The following STAT5B variants were observed in gnomAD, a reference collection of about 807,000 sequenced individuals.
The protein encoded by STAT5B is signal transducer and activator of transcription 5B.
In STAT5B, 21 loss-of-function variants were observed where a neutral mutation model predicts 107.8. The observed-to-expected ratio is 0.19, with a 90% confidence interval of 0.14 to 0.28. The LOEUF is 0.28. STAT5B is among the 10% of genes least tolerant of loss of function. The pLI is 1.00. For synonymous variants in STAT5B, 325 were observed against 401.7 expected, an observed-to-expected ratio of 0.81 and a Z score of 2.28; for missense variants, 565 against 1,008.2, an observed-to-expected ratio of 0.56 and a Z score of 5.95.
the STAT5B span, among the ~76,000 whole-genome samples, chr17:42,283,663 G>A: frequency 6.6e-6 from 1 of 152,220 alleles, no homozygotes; most frequent in African/African-American, 2.4e-5. Context: ...AGGGGACAGC[G>A]GCAGGAACGG....
intron 1 of STAT5B, among the ~76,000 whole-genome samples, chr17:42,250,855 C>T (rs533271190): frequency 1.4e-5 from 2 of 147,846 alleles, no homozygotes; most frequent in Admixed American, 6.9e-5. Flanking sequence ...ACCTAGGAGG[C>T]GGAGGATGCA....
intron 1 of STAT5B, among the ~76,000 whole-genome samples, chr17:42,237,913 T>C (rs867240038): frequency 2.0e-5 from 3 of 152,184 alleles, no homozygotes; most frequent in Non-Finnish European, 4.4e-5. Context: ...AGTATCTAGC[T>C]AAGAGCAGGT....
the STAT5B span, chr17:42,287,430 G>A: frequency 1.3e-5 from 2 of 152,204 alleles, no homozygotes; most frequent in Non-Finnish European, 2.9e-5. Flanking sequence ...CCAGGCAGAG[G>A]GGAGGCCCAG....
chr17:42,262,934 GTA>G (rs1177579162), intron 1 of STAT5B, among the ~76,000 whole-genome samples: 422 of 36,782 alleles, frequency 0.011, 4 homozygotes, highest in Admixed American at 0.026. Flanking sequence ...ATATATATAT[GTA>G]TATATATGTG....
rs759326127 is a variant in STAT5B at position 42,223,566 on chromosome 17, T to G, written c.376-10A>C. On this transcript the variant is annotated splice_polypyrimidine_tract_variant and intron_variant, in intron 4 of 18. Transcript: ENST00000293328. ...CAGCTGGAGAGCTACCCTGGGAACA[T>G]ATGGGGGGCAGTGCAAGGCAGTGCG... 3 of 1,613,780 alleles carry G rather than the reference T, an allele frequency of 1.9e-6. No individual in the cohort carries two copies. The Admixed American group carries it at 5.0e-5, about 27-fold the overall frequency.
intron 4 of STAT5B, 145 bp from the exon 5 acceptor site, chr17:42,223,701 G>T: frequency 2.2e-6 from 2 of 905,074 alleles, no homozygotes; most frequent in East Asian, 2.6e-5. Flanking sequence ...ACGTCATCAT[G>T]AGACACAGGG....
At chr17:42,249,116 G>A (rs1030510786) in intron 1 of STAT5B, among the ~76,000 whole-genome samples, 1 of 152,268 alleles carries the variant, frequency 6.6e-6, no homozygotes, top group Non-Finnish European at 1.5e-5. Flanking sequence ...GGTAGGCTGG[G>A]TGAGGTGGCT....
chr17:42,200,229 T>C lies in STAT5B; in HGVS notation c.*1509A>G, dbSNP rs2080033081. On this transcript the variant is annotated 3_prime_UTR_variant, in exon 19 of 19. Transcript: ENST00000293328. ...AGAAGTTATTTTTGTAAAAAAAATA[T>C]GTTTATTTACTCTCATGTATAAAAA... 1 of 152,696 alleles carries C rather than the reference T, an allele frequency of 6.5e-6. No individual in the cohort carries two copies. Among genetic ancestry groups the C allele is most frequent in the African/African-American group, 2.4e-5 (1 of 41,430 alleles). 9.5% of individuals were successfully genotyped at this position (152,696 alleles called of 1,614,324 possible). A position where few individuals can be genotyped will look rare whatever the true frequency, so the allele number is the denominator to read the frequency against.
chr17:42,223,535 G>C lies in STAT5B; in HGVS notation c.397C>G (p.Leu133Val). ...TGTTTCTGGGACATGGCATCAGCAA[G>C]GCTTCCAGCTGGAGAGCTACCCTGG... ...ANNGSSPAGS[L>V]ADAMSQKHLQ... The change falls in exon 5 of 19, where the codon CTT (leucine) becomes GTT (valine). Residue 133 changes from leucine to valine, a missense_variant. Physicochemically the swap from Leu to Val is conservative, Grantham distance 32. Around this residue, in one of 11 missense-constraint regions of STAT5B, gnomAD observed 54 missense variants for 49.7 expected, o/e 1.09. Coordinates refer to ENST00000293328, the MANE Select transcript of STAT5B (RefSeq NM_012448.4). The C allele has an allele frequency of 6.2e-7, 1 of 1,614,170 alleles. No individual in the cohort carries two copies. Among genetic ancestry groups the C allele is most frequent in the Non-Finnish European group, 8.5e-7 (1 of 1,180,034 alleles).
At chr17:42,265,363 G>GGGTA (rs2080659161) in intron 1 of STAT5B, among the ~76,000 whole-genome samples, 1 of 122,020 alleles carries the variant, frequency 8.2e-6, no homozygotes, top group South Asian at 2.9e-4. Flanking sequence ...CTAAGTCAAA[G>GGGTA]GGTATGTACT....
chr17:42,201,621 T>C lies in STAT5B; in HGVS notation c.*117A>G, dbSNP rs773901213. 11 of 816,432 alleles carry C rather than the reference T, an allele frequency of 1.3e-5. No individual in the cohort carries two copies. Among genetic ancestry groups the C allele is most frequent in the Non-Finnish European group, 2.1e-5 (10 of 468,458 alleles). The allele number at this position is 816,432 out of a possible 1,614,324, so 50.6% of individuals were successfully genotyped here. On this transcript the variant is annotated 3_prime_UTR_variant, in exon 19 of 19. Coordinates refer to ENST00000293328, the MANE Select transcript of STAT5B (RefSeq NM_012448.4). ...GAAACACTAAGGTCACAACTAGTAT[T>C]AACACTTCACATTATGAGTATTGTT... is the stretch of plus-strand genomic sequence containing the variant.
In STAT5B at chr17:42,224,730, G is replaced by A. The variant is rs745831122; in HGVS notation, c.375+49C>T. 7 of 1,592,278 alleles carry A rather than the reference G, an allele frequency of 4.4e-6. No homozygotes were observed. In the Admixed American group the frequency reaches 1.2e-4, roughly 27 times the overall value. The stretch of plus-strand genomic sequence containing the variant: ...CAAAGGTGGGTCCAGAGGGAGGTGG[G>A]TAAGAAAAGACTTCCCGACTGCCCT... On this transcript the variant is annotated intron_variant, in intron 4 of 18. Coordinates refer to ENST00000293328, the MANE Select transcript of STAT5B (RefSeq NM_012448.4).
In STAT5B at chr17:42,218,236, C is replaced by T. The variant is rs750053820; in HGVS notation, c.1084G>A (p.Val362Met). ...TTCACCTGGGGGGGGTTCATGTGCA[C>T]GTTCAGCTTCCCGCCCACCAGCAGG... ...VRLLVGGKLNVHMNPPQVKAT... is the reference protein window; with the variant it reads ...VRLLVGGKLNMHMNPPQVKAT... The change falls in exon 9 of 19, where the codon GTG (valine) becomes ATG (methionine). Residue 362 changes from valine (V) to methionine (M), a missense_variant. Around this residue, in one of 11 missense-constraint regions of STAT5B, gnomAD observed 48 missense variants for 106.5 expected, o/e 0.45. Transcript: ENST00000293328. 17 of 1,614,172 alleles carry T rather than the reference C, an allele frequency of 1.1e-5. No homozygotes were observed. Among genetic ancestry groups the T allele is most frequent in the Non-Finnish European group, 1.4e-5 (16 of 1,180,038 alleles).
At chr17:42,249,249 TG>T in intron 1 of STAT5B, among the ~76,000 whole-genome samples, 1 of 152,032 alleles carries the variant, frequency 6.6e-6, no homozygotes, top group African/African-American at 2.4e-5. Flanking sequence ...CAAAATTAGC[TG>T]GGTGTGGTGG....
chr17:42,203,625 G>A (rs2080063241), intron 16 of STAT5B, among the ~76,000 whole-genome samples: 1 of 151,980 alleles, frequency 6.6e-6, no homozygotes, highest in Non-Finnish European at 1.5e-5. Context: ...TGTCACTGGA[G>A]GTTTTCTTTT....
intron 5 of STAT5B, among the ~76,000 whole-genome samples, chr17:42,222,075 G>T (rs111374125): frequency 2.8e-5 from 4 of 143,270 alleles, no homozygotes; most frequent in Non-Finnish European, 6.1e-5. Context: ...GCTGTGTGTG[G>T]TGTGTGTGTG....
chr17:42,241,905 A>G (rs1355278826), intron 1 of STAT5B, among the ~76,000 whole-genome samples: 1 of 152,092 alleles, frequency 6.6e-6, no homozygotes, highest in Non-Finnish European at 1.5e-5. Context: ...TTTTCTAAAT[A>G]CTACCCTATA....
chr17:42,239,698 T>C (rs960385999), intron 1 of STAT5B, among the ~76,000 whole-genome samples: 1 of 152,240 alleles, frequency 6.6e-6, no homozygotes, highest in African/African-American at 2.4e-5. Flanking sequence ...TTAAGTAGAA[T>C]TGTAACATGG....
chr17:42,223,229 A>G (rs909140119), intron 5 of STAT5B, among the ~76,000 whole-genome samples, 153 bp downstream of exon 5: 1 of 152,034 alleles, frequency 6.6e-6, no homozygotes, highest in African/African-American at 2.4e-5. Context: ...TCATCCTCTC[A>G]GCACTGTCTT....
Sources: allele counts gnomAD v4.1 joint callset (sites outside exome capture counted in the v4.1 genomes callset), GRCh38; gene constraint gnomAD v4.1.1; regional missense constraint gnomAD v4.1.1; transcripts MANE v1.5; gene names NCBI Gene and HGNC (gene_info 2026-07-23, HGNC 2026-07-21).